Variants in ROBO2 observed in about 807,000 individuals in gnomAD.
The protein encoded by ROBO2 is roundabout guidance receptor 2.
ROBO2 carries 53 observed loss-of-function variants against 160.8 expected under a neutral mutation model. That is an observed-to-expected ratio of 0.33 (90% CI 0.26 to 0.41). The LOEUF (loss-of-function observed/expected upper bound fraction) is 0.41, where lower values mean the gene tolerates loss of function less well. ROBO2 is among the 10% of genes least tolerant of loss of function. The pLI is 1.00. For missense variants in ROBO2, 1,577 were observed against 1,722.4 expected, an observed-to-expected ratio of 0.92 and a Z score of 1.49; for synonymous variants, 664 against 611.7, an observed-to-expected ratio of 1.09 and a Z score of -1.26.
intron 2 of ROBO2, among the ~76,000 whole-genome samples, chr3:76,615,752 T>C (rs1274913725): frequency 6.6e-6 from 1 of 152,224 alleles, no homozygotes; most frequent in Admixed American, 6.5e-5. Flanking sequence ...ATTTTTACTT[T>C]ATTAATGATA....
intron 2 of ROBO2, among the ~76,000 whole-genome samples, chr3:76,697,109 A>G (rs2107359228): frequency 6.6e-6 from 1 of 152,328 alleles, no homozygotes; most frequent in Non-Finnish European, 1.5e-5. Flanking sequence ...CCATATGAAT[A>G]TCATTGACAC....
At chr3:76,033,278 T>A (rs960285605) in intron 2 of ROBO2, among the ~76,000 whole-genome samples, 14 of 148,726 alleles carry the variant, frequency 9.4e-5, no homozygotes, top group Non-Finnish European at 3.0e-5. Flanking sequence ...TCTGGTCTAA[T>A]GTAGCTGTGA....
chr3:76,262,588 C>G (rs571218189), intron 2 of ROBO2, among the ~76,000 whole-genome samples: 1 of 152,102 alleles, frequency 6.6e-6, no homozygotes, highest in Non-Finnish European at 1.5e-5. Flanking sequence ...TACTTATATA[C>G]TTGGGGTTGT....
At chr3:76,070,347 G>T (rs1046773637) in intron 2 of ROBO2, among the ~76,000 whole-genome samples, 5 of 152,130 alleles carry the variant, frequency 3.3e-5, no homozygotes, top group African/African-American at 9.7e-5. Flanking sequence ...GCTGGGCGTG[G>T]TCATCTCTTA....
Position 77,649,780 on chromosome 3 carries a change from T to C in ROBO2, c.*3725T>C, listed in dbSNP as rs149616306. On this transcript the variant is annotated 3_prime_UTR_variant, in exon 26 of 26. Coordinates refer to ENST00000461745, the Ensembl canonical transcript of ROBO2. ...GTGGGTAGACTTTTTATACTTTGTT[T>C]TATAGATGGATTTTTTTTAACTGTA... is the stretch of plus-strand genomic sequence containing the variant. 7.7e-3 allele frequency: 1,172 copies of C among 152,234 alleles called. 18 individuals carry two copies. The highest frequency in any genetic ancestry group is 0.027 in the African/African-American group (1,128 of 41,564). The allele number at this position is 152,234 out of a possible 1,614,324, so 9.4% of individuals were successfully genotyped here. A position where few individuals can be genotyped will look rare whatever the true frequency, so the allele number is the denominator to read the frequency against.
rs868624317 is a variant in ROBO2 at position 77,564,878 on chromosome 3, T to C, written c.1683-76T>C. The stretch of plus-strand genomic sequence containing the variant: ...TGTGTTTAATTTCCAGCCATTAACC[T>C]TTGTCATTGATACCCAACTCCATTT... On this transcript the variant is annotated intron_variant, in intron 11 of 25. Coordinates refer to ENST00000461745, the Ensembl canonical transcript of ROBO2. The C allele has an allele frequency of 1.8e-5, 24 of 1,338,956 alleles. No homozygotes were observed. The Middle Eastern group carries it at 1.3e-3, about 71-fold the overall frequency. The allele number at this position is 1,338,956 out of a possible 1,614,324, so 82.9% of individuals were successfully genotyped here.
chr3:76,219,714 T>G (rs1345776763), intron 2 of ROBO2, among the ~76,000 whole-genome samples: 4 of 152,142 alleles, frequency 2.6e-5, no homozygotes. Flanking sequence ...TAGGAACACT[T>G]TTACACTGTT....
At chr3:77,601,477 T>A (rs2094428843) in intron 19 of ROBO2, among the ~76,000 whole-genome samples, 1 of 152,164 alleles carries the variant, frequency 6.6e-6, no homozygotes, top group South Asian at 2.1e-4. Flanking sequence ...ATGGACTGAT[T>A]GATATTCAGT....
At chr3:76,697,067 A>G (rs769579663) in intron 2 of ROBO2, among the ~76,000 whole-genome samples, 2 of 152,182 alleles carry the variant, frequency 1.3e-5, no homozygotes, top group Non-Finnish European at 2.9e-5. Flanking sequence ...TGTTTATCAG[A>G]CAGAATAAGT....
intron 2 of ROBO2, among the ~76,000 whole-genome samples, chr3:76,725,252 C>T (rs1201893929): frequency 6.6e-6 from 1 of 151,780 alleles, no homozygotes; most frequent in Non-Finnish European, 1.5e-5. Context: ...AATTTTTATC[C>T]CTAATATCTA....
chr3:76,259,424 C>T (rs1343108127), intron 2 of ROBO2, among the ~76,000 whole-genome samples: 1 of 152,074 alleles, frequency 6.6e-6, no homozygotes, highest in Non-Finnish European at 1.5e-5. Context: ...ACAGAAAGCT[C>T]ACAAATGTTT....
At chr3:77,632,512 G>T in intron 23 of ROBO2, 1 of 1,535,476 alleles carries the variant, frequency 6.5e-7, no homozygotes, top group Non-Finnish European at 8.7e-7. Context: ...ATCTGATGAG[G>T]ATCGTAACTT....
chr3:75,920,727 A>G (rs1206719729), intron 1 of ROBO2, among the ~76,000 whole-genome samples: 1 of 152,108 alleles, frequency 6.6e-6, no homozygotes, highest in Admixed American at 6.5e-5. Context: ...TTTGGTGCAT[A>G]TATATTTAGG....
chr3:77,296,763 A>T (rs574165008), intron 2 of ROBO2, among the ~76,000 whole-genome samples: 4 of 152,248 alleles, frequency 2.6e-5, no homozygotes, highest in African/African-American at 9.6e-5. Flanking sequence ...CTCCTGCAGG[A>T]CAAAAGAGGA....
chr3:76,308,843 T>C (rs1427120880), intron 2 of ROBO2, among the ~76,000 whole-genome samples: 1 of 152,210 alleles, frequency 6.6e-6, no homozygotes, highest in Non-Finnish European at 1.5e-5. Flanking sequence ...CTAGGGATTA[T>C]TGAAAAGGAA....
At chr3:76,385,157 G>T (rs1316223911) in intron 2 of ROBO2, among the ~76,000 whole-genome samples, 3 of 151,920 alleles carry the variant, frequency 2.0e-5, no homozygotes, top group African/African-American at 7.3e-5. Context: ...ACCATGTCTG[G>T]CTAACTTTTG....
At chr3:77,196,325 C>CT (rs57448784) in intron 2 of ROBO2, among the ~76,000 whole-genome samples, 6,129 of 141,714 alleles carry the variant, frequency 0.043, 146 homozygotes, top group Middle Eastern at 0.067. Flanking sequence ...AAATACCCTG[C>CT]TTTTTTTTTT....
At chr3:76,140,442 T>C (rs1287580328) in intron 2 of ROBO2, among the ~76,000 whole-genome samples, 1 of 152,020 alleles carries the variant, frequency 6.6e-6, no homozygotes, top group African/African-American at 2.4e-5. Context: ...ATCTTCATGC[T>C]ATCTTGTTAT....
At chr3:76,549,339 A>C (rs2083287200) in intron 2 of ROBO2, among the ~76,000 whole-genome samples, 2 of 152,126 alleles carry the variant, frequency 1.3e-5, no homozygotes, top group Admixed American at 6.5e-5. Flanking sequence ...TTTGGCCCCG[A>C]AGAGCAGACC....
Sources: gnomAD v4.1 joint callset for allele counts (sites outside exome capture counted in the v4.1 genomes callset) on GRCh38, gnomAD v4.1.1 for gene constraint, MANE v1.5 for transcripts, NCBI Gene and HGNC (gene_info 2026-07-23, HGNC 2026-07-21) for gene names.